SLC35F4: variants seen among roughly 807,000 people sequenced by gnomAD.
SLC35F4 encodes the protein solute carrier family 35 member F4.
Under a neutral mutation model 44.2 loss-of-function variants are expected in SLC35F4, and 24 were observed. The ratio of observed to expected loss-of-function variants is 0.54; its 90% CI spans 0.39 to 0.76. SLC35F4 has a LOEUF of 0.76. SLC35F4 is among the 30% of genes least tolerant of loss of function. SLC35F4 has a pLI of 0.00. For missense variants in SLC35F4, 562 were observed against 586.1 expected (o/e 0.96, Z 0.42); for synonymous variants, 238 against 223.6 (o/e 1.06, Z -0.57).
chr14:57,905,669 C>T (rs931793400), intron 1 of SLC35F4, among the ~76,000 whole-genome samples: 1 of 152,170 alleles, frequency 6.6e-6, no homozygotes, highest in Non-Finnish European at 1.5e-5. Context: ...TGTGCTCAGA[C>T]TCAGCTCCAG....
At chr14:57,976,526 G>A (rs372774360), downstream of SLC35F4, among the ~76,000 whole-genome samples, 2 of 152,190 alleles carry the variant, frequency 1.3e-5, no homozygotes, top group Non-Finnish European at 2.9e-5. Flanking sequence ...CATCCCAAGC[G>A]GACTTGCAGA....
chr14:57,753,064 C>A (rs1594963708), intron 1 of SLC35F4, among the ~76,000 whole-genome samples: 1 of 152,158 alleles, frequency 6.6e-6, no homozygotes, highest in Admixed American at 6.5e-5. Flanking sequence ...CTGAGAACTG[C>A]CGGGGAGAGA....
intron 1 of SLC35F4, among the ~76,000 whole-genome samples, chr14:57,773,122 G>T (rs59876494): frequency 6.6e-6 from 1 of 152,080 alleles, no homozygotes; most frequent in Non-Finnish European, 1.5e-5. Context: ...GGGTTTGTTG[G>T]CTGCTTGTAT....
chr14:57,922,418 C>T lies in SLC35F4; in HGVS notation n.282+59495G>A, dbSNP rs537943574. ...AATGACTACAGAATCCTTCTCAACA[C>T]GGTACCCCATACAACTACTACTAAT... On this transcript the variant is annotated intron_variant and non_coding_transcript_variant, in intron 1 of 1. Transcript: ENST00000556568. 7.2e-5 allele frequency among the ~76,000 whole-genome samples: 11 copies of T among 152,290 alleles called. No individual in the cohort carries two copies. In the South Asian group the frequency reaches 1.0e-3, roughly 14 times the overall value.
At chr14:57,682,954 A>G (rs899589764) in intron 1 of SLC35F4, among the ~76,000 whole-genome samples, 1 of 152,176 alleles carries the variant, frequency 6.6e-6, no homozygotes, top group African/African-American at 2.4e-5. Context: ...CTACCAAAAA[A>G]TCTCAGTATG....
intron 1 of SLC35F4, among the ~76,000 whole-genome samples, chr14:57,948,691 AG>A (rs1463422660): frequency 6.6e-6 from 1 of 152,066 alleles, no homozygotes; most frequent in Non-Finnish European, 1.5e-5. Context: ...CTTTCCTCTT[AG>A]AACCACTTTT....
In SLC35F4 at chr14:57,836,414, T is replaced by C. The variant is rs554553278; in HGVS notation, c.103+29309A>G. Among the ~76,000 whole-genome samples the C allele has an allele frequency of 1.1e-4, 17 of 152,262 alleles. 1 individual carries two copies. The East Asian group carries it at 2.9e-3, about 26-fold the overall frequency. On this transcript the variant is annotated intron_variant, in intron 1 of 7. Transcript: ENST00000556826. ...TTCAAGTGATTCTCCTGCCTCAGCC[T>C]CCCGAGTAGCTGGGACTACAGGCAT...
chr14:57,670,182 T>G (rs1237844741), intron 1 of SLC35F4, among the ~76,000 whole-genome samples: 1 of 152,158 alleles, frequency 6.6e-6, no homozygotes, highest in East Asian at 1.9e-4. Flanking sequence ...TGATATTCAC[T>G]TTATCATTTT....
chr14:57,971,300 C>A (rs1013551188), intron 1 of SLC35F4, among the ~76,000 whole-genome samples: 6 of 152,202 alleles, frequency 3.9e-5, no homozygotes, highest in Admixed American at 2.0e-4. Context: ...CTTGGCAAAT[C>A]TTTTCTTCAA....
intron 5 of SLC35F4, among the ~76,000 whole-genome samples, chr14:57,570,579 A>G (rs1360100629): frequency 1.3e-5 from 2 of 152,214 alleles, no homozygotes; most frequent in African/African-American, 2.4e-5. Flanking sequence ...TGGCTAACAT[A>G]AAATCACACA....
Position 57,865,975 on chromosome 14 carries a change from C to A in SLC35F4, c.-150G>T. ...CTGACTCCACCGCCCGGCGCAGCAC[C>A]GGCTCCGCATCACAGCGGCGGCGGC... On this transcript the variant is annotated 5_prime_UTR_variant, in exon 1 of 8. Transcript: ENST00000556826. 2.3e-6 allele frequency: 1 copy of A among 437,000 alleles called. No individual in the cohort carries two copies. Among genetic ancestry groups the A allele is most frequent in the Non-Finnish European group, 3.8e-6 (1 of 260,302 alleles). 27.1% of individuals were successfully genotyped at this position (437,000 alleles called of 1,614,324 possible). A position where few individuals can be genotyped will look rare whatever the true frequency, so the allele number is the denominator to read the frequency against.
At chr14:57,755,778 G>T (rs956036836) in intron 1 of SLC35F4, among the ~76,000 whole-genome samples, 1 of 152,220 alleles carries the variant, frequency 6.6e-6, no homozygotes, top group East Asian at 1.9e-4. Flanking sequence ...ACCTCACAAT[G>T]ATCCCGCAAG....
At chr14:57,830,382 A>T (rs1264413380) in intron 1 of SLC35F4, among the ~76,000 whole-genome samples, 1 of 152,196 alleles carries the variant, frequency 6.6e-6, no homozygotes, top group Non-Finnish European at 1.5e-5. Context: ...ATAATATCCG[A>T]GGAGATTTTT....
chr14:57,750,079 C>T (rs2140556306), intron 1 of SLC35F4, among the ~76,000 whole-genome samples: 1 of 151,958 alleles, frequency 6.6e-6, no homozygotes, highest in African/African-American at 2.4e-5. Context: ...TCTGTTATCC[C>T]ACTCTCTATG....
intron 1 of SLC35F4, among the ~76,000 whole-genome samples, chr14:57,621,111 G>A (rs2072154274): frequency 6.6e-6 from 1 of 151,522 alleles, no homozygotes; most frequent in African/African-American, 2.4e-5. Flanking sequence ...ACCTTACAAG[G>A]GATGTGAAGG....
chr14:57,574,107 A>G (rs1476299345), intron 4 of SLC35F4, among the ~76,000 whole-genome samples: 1 of 152,246 alleles, frequency 6.6e-6, no homozygotes, highest in Non-Finnish European at 1.5e-5. Flanking sequence ...TGTCTAGAAA[A>G]GGACAGGCAG....
intron 1 of SLC35F4, among the ~76,000 whole-genome samples, chr14:57,799,739 G>A (rs1459233363): frequency 6.6e-6 from 1 of 152,240 alleles, no homozygotes; most frequent in African/African-American, 2.4e-5. Flanking sequence ...TGCCTTGCCA[G>A]ATCATGGTCA....
intron 4 of SLC35F4, among the ~76,000 whole-genome samples, chr14:57,578,171 A>G (rs934503549): frequency 6.6e-6 from 1 of 151,912 alleles, no homozygotes; most frequent in Non-Finnish European, 1.5e-5. Flanking sequence ...GAAGTAGGGA[A>G]GGCCATAGCT....
intron 1 of SLC35F4, among the ~76,000 whole-genome samples, chr14:57,792,523 C>T (rs994996959): frequency 6.6e-6 from 1 of 151,970 alleles, no homozygotes; most frequent in Non-Finnish European, 1.5e-5. Flanking sequence ...TGCCCATCAA[C>T]CAATGAGTGG....
Sources: allele counts gnomAD v4.1 joint callset (sites outside exome capture counted in the v4.1 genomes callset), GRCh38; gene constraint gnomAD v4.1.1; transcripts MANE v1.5; gene names NCBI Gene and HGNC (gene_info 2026-07-23, HGNC 2026-07-21).